MAP2K5: variants seen among roughly 807,000 people sequenced by gnomAD.
MAP2K5 encodes the protein mitogen-activated protein kinase kinase 5.
A neutral mutation model predicts 83.1 loss-of-function variants in MAP2K5; 49 were observed. That is an observed-to-expected ratio of 0.59 (90% CI 0.47 to 0.75). The LOEUF (loss-of-function observed/expected upper bound fraction) is 0.75, where lower values mean the gene tolerates loss of function less well. Ranked by LOEUF, MAP2K5 falls within the 30% of genes least tolerant of loss-of-function variation. The probability of loss-of-function intolerance (pLI) is 0.00; values close to 1 mark genes in which losing one functional copy is unlikely to be tolerated. For synonymous variants in MAP2K5, 202 were observed against 191.8 expected (o/e 1.05, Z -0.44); for missense variants, 457 against 557.5 (o/e 0.82, Z 1.82).
chr15:67,773,161 A>C (rs1342246769), intron 21 of MAP2K5, among the ~76,000 whole-genome samples: 1 of 152,206 alleles, frequency 6.6e-6, no homozygotes, highest in Admixed American at 6.5e-5. Context: ...ATGAAATTAA[A>C]CTGGCTGCAA....
At chr15:67,550,626 C>T (rs910429469) in intron 2 of MAP2K5, among the ~76,000 whole-genome samples, 1 of 151,926 alleles carries the variant, frequency 6.6e-6, no homozygotes. Flanking sequence ...TTGTCATGAA[C>T]CAGGTCATTG....
intron 8 of MAP2K5, among the ~76,000 whole-genome samples, chr15:67,601,569 A>G (rs2085660088): frequency 6.6e-6 from 1 of 152,382 alleles, no homozygotes; most frequent in Non-Finnish European, 1.5e-5. Flanking sequence ...TGGTTGTGAT[A>G]TTAGATCACA....
In MAP2K5 at chr15:67,642,335, G is replaced by C. The variant is rs1050344713; in HGVS notation, c.586-3896G>C. On this transcript the variant is annotated intron_variant, in intron 9 of 21. Coordinates refer to ENST00000178640, the MANE Select transcript of MAP2K5 (RefSeq NM_145160.3). ...AGTTAGACCCTGTGTGGAGTGCTGGGGGGGATAGAAAAATGTACAAGACTC... is the reference window on the plus strand; with the variant it reads ...AGTTAGACCCTGTGTGGAGTGCTGGCGGGGATAGAAAAATGTACAAGACTC... 5 of 1,049,478 alleles carry C rather than the reference G, an allele frequency of 4.8e-6. No homozygotes were observed. In the African/African-American group the frequency reaches 4.8e-5, roughly 10 times the overall value. The allele number at this position is 1,049,478 out of a possible 1,614,324, so 65.0% of individuals were successfully genotyped here.
At chr15:67,586,080 C>T in intron 5 of MAP2K5, 150 bp downstream of exon 5, 3 of 708,750 alleles carry the variant, frequency 4.2e-6, no homozygotes, top group Non-Finnish European at 7.6e-6. Context: ...GGGGATTCAT[C>T]TGTAGTATTT....
intron 13 of MAP2K5, among the ~76,000 whole-genome samples, chr15:67,689,485 GT>G (rs897050797): frequency 1.1e-4 from 16 of 151,484 alleles, no homozygotes; most frequent in South Asian, 2.1e-4. Flanking sequence ...TAATGATGAG[GT>G]TTTTTTTTCT....
chr15:67,713,609 G>A (rs770849604), intron 16 of MAP2K5, among the ~76,000 whole-genome samples: 107 of 152,194 alleles, frequency 7.0e-4, no homozygotes, highest in Admixed American at 1.2e-3. Context: ...GGTGGCAGGC[G>A]CCTGTAATCC....
chr15:67,543,243 C>T lies in MAP2K5; in HGVS notation c.-93C>T. On this transcript the variant is annotated 5_prime_UTR_variant, in exon 1 of 22. Transcript: ENST00000178640. This position sits in a 1 kb window ranked among gnomAD's most constrained non-coding sequence, Gnocchi z 4.3. ...CCTTGTTTTCACCCTCTGTCCTCTG[C>T]CCGTCACTCCCCTTGTCACCTCTTG... 7.6e-7 allele frequency: 1 copy of T among 1,320,568 alleles called. No individual in the cohort carries two copies. Among genetic ancestry groups the T allele is most frequent in the East Asian group, 2.3e-5 (1 of 43,448 alleles). 81.8% of individuals were successfully genotyped at this position (1,320,568 alleles called of 1,614,324 possible). A position where few individuals can be genotyped will look rare whatever the true frequency, so the allele number is the denominator to read the frequency against.
At position 67,724,376 on chromosome 15, in the gene MAP2K5, A is replaced by C. The variant is rs1655025319; in HGVS notation, c.1045-3540A>C. On this transcript the variant is annotated intron_variant, in intron 16 of 21. Transcript: ENST00000178640. The surrounding 1 kb of genome is among the most constrained non-coding windows in gnomAD (Gnocchi z 4.4). ...TTTGACTTTTGACAGCCTCGTGGAGAACTCGTTCTTTTTTATTTATTTATT... is the reference window on the plus strand; with the variant it reads ...TTTGACTTTTGACAGCCTCGTGGAGCACTCGTTCTTTTTTATTTATTTATT... Among the ~76,000 whole-genome samples, 1 of 151,764 alleles carries C rather than the reference A, an allele frequency of 6.6e-6. No individual in the cohort carries two copies. Among genetic ancestry groups the C allele is most frequent in the South Asian group, 2.1e-4 (1 of 4,790 alleles).
rs1294147761 is a variant in MAP2K5 at position 67,689,719 on chromosome 15, G to A, written c.848-2760G>A. Among the ~76,000 whole-genome samples, 4 of 152,204 alleles carry A rather than the reference G, an allele frequency of 2.6e-5. No individual in the cohort carries two copies. The East Asian group carries it at 5.8e-4, about 22-fold the overall frequency. ...ACCTTGTCTTTTGGAATATAGTTTA[G>A]CAGTTTTGTTGTTTTATTATTTTGT... On this transcript the variant is annotated intron_variant, in intron 13 of 21. Transcript: ENST00000178640.
chr15:67,705,365 G>T (rs371493858), intron 16 of MAP2K5, among the ~76,000 whole-genome samples: 2 of 152,168 alleles, frequency 1.3e-5, no homozygotes, highest in African/African-American at 4.8e-5. Flanking sequence ...GCTGGGGCAT[G>T]AGGGGAAGGA....
rs1004967877 is a variant in MAP2K5, at chr15:67,802,677, C to T, written c.1243-3969C>T. On this transcript the variant is annotated intron_variant, in intron 21 of 21. Coordinates refer to ENST00000178640, the MANE Select transcript of MAP2K5 (RefSeq NM_145160.3). The surrounding 1 kb of genome is among the most constrained non-coding windows in gnomAD (Gnocchi z 5.0). ...GCAGAAATGGTGCTAACATGCTTTC[C>T]GCGTGAAGGACGGAGGCCTAGATGC... is the stretch of plus-strand genomic sequence containing the variant. Among the ~76,000 whole-genome samples the T allele has an allele frequency of 6.6e-6, 1 of 152,224 alleles. No individual in the cohort carries two copies. Among genetic ancestry groups the T allele is most frequent in the Non-Finnish European group, 1.5e-5 (1 of 68,046 alleles).
Position 67,768,750 on chromosome 15 carries a change from CTG to C in MAP2K5, c.1135-850_1135-849del, listed in dbSNP as rs1478411210. Among the ~76,000 whole-genome samples, 2 of 152,184 alleles carry C rather than the reference CTG, an allele frequency of 1.3e-5. No individual in the cohort carries two copies. ...TCCAACTGTAGGTCTAATGAGATGA[CTG>C]TTAAAGTACTCTGCAGTGTAATTTT... On this transcript the variant is annotated intron_variant, in intron 19 of 21. Transcript: ENST00000178640. The surrounding 1 kb of genome is among the most constrained non-coding windows in gnomAD (Gnocchi z 4.0).
chr15:67,653,009 A>G (rs1360214967), intron 11 of MAP2K5, among the ~76,000 whole-genome samples: 3 of 152,138 alleles, frequency 2.0e-5, no homozygotes, highest in Non-Finnish European at 4.4e-5. Flanking sequence ...TAGTTTTTTT[A>G]TTACCAACTC....
At chr15:67,612,015 A>G (rs946878670) in intron 8 of MAP2K5, among the ~76,000 whole-genome samples, 2 of 150,306 alleles carry the variant, frequency 1.3e-5, no homozygotes, top group African/African-American at 2.5e-5. Context: ...GTTTGTGCTG[A>G]TCTCTGAACC....
In MAP2K5 at chr15:67,692,439, C is replaced by T. The variant is rs550501905; in HGVS notation, c.848-40C>T. ...TTTTAAAGAACAAACGCTGTAGATA[C>T]ATGGAATTAGTTACATGGCCTTTTC... On this transcript the variant is annotated intron_variant, in intron 13 of 21. Coordinates refer to ENST00000178640, the MANE Select transcript of MAP2K5 (RefSeq NM_145160.3). 20 of 1,428,858 alleles carry T rather than the reference C, an allele frequency of 1.4e-5. No homozygotes were observed. In the South Asian group the frequency reaches 2.3e-4, roughly 16 times the overall value. 88.5% of individuals were successfully genotyped at this position (1,428,858 alleles called of 1,614,324 possible). A position where few individuals can be genotyped will look rare whatever the true frequency, so the allele number is the denominator to read the frequency against.
chr15:67,664,514 AAT>A, intron 12 of MAP2K5, 81 bp from the exon 13 acceptor site: 1 of 895,786 alleles, frequency 1.1e-6, no homozygotes, highest in Non-Finnish European at 1.8e-6. Context: ...AAAAAAAAAA[AAT>A]GTTGAATGTA....
chr15:67,651,831 A>G (rs1284969279), intron 11 of MAP2K5, among the ~76,000 whole-genome samples: 5 of 152,188 alleles, frequency 3.3e-5, no homozygotes, highest in African/African-American at 9.7e-5. Context: ...TAGAGTGCAC[A>G]TATCTCTTCA....
intron 13 of MAP2K5, among the ~76,000 whole-genome samples, chr15:67,674,353 A>G (rs1333868997): frequency 6.6e-6 from 1 of 152,222 alleles, no homozygotes; most frequent in Non-Finnish European, 1.5e-5. Context: ...TTGAGAGCAC[A>G]GTTAACATCC....
At chr15:67,703,264 G>A (rs967383982) in intron 15 of MAP2K5, 73 bp from the exon 16 acceptor site, 1 of 1,115,306 alleles carries the variant, frequency 9.0e-7, no homozygotes, top group Non-Finnish European at 1.4e-6. Flanking sequence ...CACCTTAGCT[G>A]AGCTTATTTT....
Sources: allele counts gnomAD v4.1 joint callset (sites outside exome capture counted in the v4.1 genomes callset), GRCh38; gene constraint gnomAD v4.1.1; non-coding constraint Gnocchi (gnomAD v3.1); transcripts MANE v1.5; gene names NCBI Gene and HGNC (gene_info 2026-07-23, HGNC 2026-07-21).